The following ARRDC4 variants were observed in gnomAD, a reference collection of about 807,000 sequenced individuals.
ARRDC4 encodes the protein arrestin domain-containing protein 4.
ARRDC4 carries 40 observed loss-of-function variants against 44.6 expected under a neutral mutation model. The ratio of observed to expected loss-of-function variants is 0.90; its 90% CI spans 0.70 to 1.17. The LOEUF is 1.17. Among genes scored for constraint, ARRDC4 ranks in the 50% most tolerant of loss-of-function variants. The pLI, the probability that ARRDC4 is intolerant of heterozygous loss-of-function variation, is 0.00. For synonymous variants in ARRDC4, 211 were observed against 221.2 expected, an observed-to-expected ratio of 0.95 and a Z score of 0.41; for missense variants, 550 against 559.1, an observed-to-expected ratio of 0.98 and a Z score of 0.16.
rs1258419729 is a variant in ARRDC4 at position 97,960,960 on chromosome 15, C to T, written c.99C>T (p.Ser33=). 9 of 1,467,930 alleles carry T rather than the reference C, an allele frequency of 6.1e-6. No homozygotes were observed. The African/African-American group carries it at 1.3e-4, about 22-fold the overall frequency. The allele number at this position is 1,467,930 out of a possible 1,614,324, so 90.9% of individuals were successfully genotyped here. ...VFEDERKGCY[S]SGETVAGHVL... Reference sequence around the variant, plus strand: ...AGGACGAGCGCAAGGGCTGCTATTCCAGCGGCGAGACAGTGGCCGGGCACG... The same window carrying T: ...AGGACGAGCGCAAGGGCTGCTATTCTAGCGGCGAGACAGTGGCCGGGCACG... The change falls in exon 1 of 8, where the codon TCC becomes TCT. Residue 33 remains serine (S), a synonymous_variant. Coordinates refer to ENST00000268042, the MANE Select transcript of ARRDC4 (RefSeq NM_183376.3).
chr15:97,966,064 T>G lies in ARRDC4; in HGVS notation c.522+22T>G. The G allele has an allele frequency of 3.1e-6, 5 of 1,612,708 alleles. No homozygotes were observed. The highest frequency in any genetic ancestry group is 4.2e-6 in the Non-Finnish European group (5 of 1,179,090). On this transcript the variant is annotated intron_variant, in intron 3 of 7. Coordinates refer to ENST00000268042, the MANE Select transcript of ARRDC4 (RefSeq NM_183376.3). The surrounding 1 kb of genome is among the most constrained non-coding windows in gnomAD (Gnocchi z 4.7). ...ATTAGTAAGTTCTTCCTTTTTCTCT[T>G]CCTCCTCCTTTTCCTCCTTCCCTCC...
rs768990179 is a variant in ARRDC4, at chr15:97,961,087, TCGGCCAGCACCG to T, written c.232_243del (p.Ser78_Ala81del). Reference sequence around the variant, plus strand: ...GGGCCCGAGCACCTGCCCCCGCGCCTCGGCCAGCACCGCGGCCCTGGCTGTCTTCTCGGAGGT... The same window carrying T: ...GGGCCCGAGCACCTGCCCCCGCGCCTCGGCCCTGGCTGTCTTCTCGGAGGT... On this transcript the variant is annotated inframe_deletion, in exon 1 of 8. Transcript: ENST00000268042. 27 of 1,437,114 alleles carry T rather than the reference TCGGCCAGCACCG, an allele frequency of 1.9e-5. 1 individual carries two copies. In the South Asian group the frequency reaches 3.7e-4, roughly 20 times the overall value. 89.0% of individuals were successfully genotyped at this position (1,437,114 alleles called of 1,614,324 possible).
chr15:97,972,730 T>TG lies in ARRDC4; in HGVS notation c.*1544dup. The TG allele has an allele frequency of 6.5e-6, 1 of 152,716 alleles. No homozygotes were observed. Among genetic ancestry groups the TG allele is most frequent in the East Asian group, 1.9e-4 (1 of 5,172 alleles). The allele number at this position is 152,716 out of a possible 1,614,324, so 9.5% of individuals were successfully genotyped here. On this transcript the variant is annotated 3_prime_UTR_variant, in exon 8 of 8. Coordinates refer to ENST00000268042, the MANE Select transcript of ARRDC4 (RefSeq NM_183376.3). The surrounding 1 kb of genome is among the most constrained non-coding windows in gnomAD (Gnocchi z 5.3). ...ACTGTACTTCATTTAACAGAATGAT[T>TG]GATTTTTCTTTCAATCAGCATGTTC...
rs926833117 is a variant in ARRDC4 at position 97,970,986 on chromosome 15, T to G, written c.1201-145T>G. 3.1e-6 allele frequency: 3 copies of G among 969,646 alleles called. No individual in the cohort carries two copies. In the African/African-American group the frequency reaches 4.9e-5, roughly 16 times the overall value. 60.1% of individuals were successfully genotyped at this position (969,646 alleles called of 1,614,324 possible). ...GCCTTTAAGGTGTGTTATTTGGCCA[T>G]GGAATATAGAGAACTTAAGCACCTT... On this transcript the variant is annotated intron_variant, in intron 7 of 7. Coordinates refer to ENST00000268042, the MANE Select transcript of ARRDC4 (RefSeq NM_183376.3). The surrounding 1 kb of genome is among the most constrained non-coding windows in gnomAD (Gnocchi z 4.2).
chr15:97,961,288 G>A (rs777565082), intron 1 of ARRDC4, 120 bp downstream of exon 1: 286 of 954,072 alleles, frequency 3.0e-4, no homozygotes, highest in Non-Finnish European at 3.8e-4. Context: ...GCTTCCGGGG[G>A]TGGGGTCCGG....
rs1555456247 is a variant in ARRDC4 at position 97,964,995 on chromosome 15, CAT to C, written c.308-603_308-602del. On this transcript the variant is annotated intron_variant, in intron 1 of 7. Coordinates refer to ENST00000268042, the MANE Select transcript of ARRDC4 (RefSeq NM_183376.3). ...TGGGGGTAAGCAGTTGTGATTTTTA[CAT>C]ACACACACACACACACACACATATA... is the stretch of plus-strand genomic sequence containing the variant. Among the ~76,000 whole-genome samples, 415 of 132,880 alleles carry C rather than the reference CAT, an allele frequency of 3.1e-3. 1 individual carries two copies. The highest frequency in any genetic ancestry group is 4.9e-3 in the Non-Finnish European group (322 of 65,220). 87.2% of individuals were successfully genotyped at this position (132,880 alleles called of 152,430 possible).
rs75444538 is a variant in ARRDC4, at chr15:97,970,873, A to T, written c.1200+130A>T. ...GGGATACATTTAAATTTGTTTATAC[A>T]GTGGTAATAGATTATCGCTGATTCA... On this transcript the variant is annotated intron_variant, in intron 7 of 7. Coordinates refer to ENST00000268042, the MANE Select transcript of ARRDC4 (RefSeq NM_183376.3). The surrounding 1 kb of genome is among the most constrained non-coding windows in gnomAD (Gnocchi z 4.2). 54 of 1,161,822 alleles carry T rather than the reference A, an allele frequency of 4.6e-5. No homozygotes were observed. Among genetic ancestry groups the T allele is most frequent in the African/African-American group, 3.0e-4 (19 of 64,232 alleles). 72.0% of individuals were successfully genotyped at this position (1,161,822 alleles called of 1,614,324 possible). A position where few individuals can be genotyped will look rare whatever the true frequency, so the allele number is the denominator to read the frequency against.
chr15:97,963,995 T>A (rs1450084792), intron 1 of ARRDC4, among the ~76,000 whole-genome samples: 1 of 152,174 alleles, frequency 6.6e-6, no homozygotes, highest in Non-Finnish European at 1.5e-5. Flanking sequence ...CCACTGAATT[T>A]AACATGATCT....
Position 97,966,059 on chromosome 15 carries a change from T to C in ARRDC4, c.522+17T>C, listed in dbSNP as rs1457552741. ...GCATTATTAGTAAGTTCTTCCTTTT[T>C]CTCTTCCTCCTCCTTTTCCTCCTTC... is the stretch of plus-strand genomic sequence containing the variant. On this transcript the variant is annotated intron_variant, in intron 3 of 7. Coordinates refer to ENST00000268042, the MANE Select transcript of ARRDC4 (RefSeq NM_183376.3). This position sits in a 1 kb window ranked among gnomAD's most constrained non-coding sequence, Gnocchi z 4.7. The C allele has an allele frequency of 6.2e-7, 1 of 1,613,376 alleles. No individual in the cohort carries two copies. The highest frequency in any genetic ancestry group is 1.3e-5 in the African/African-American group (1 of 74,914).
rs1489751370 is a variant in ARRDC4 at position 97,965,832 on chromosome 15, GCTTT to G, written c.375-62_375-59del. 3 of 1,554,942 alleles carry G rather than the reference GCTTT, an allele frequency of 1.9e-6. No homozygotes were observed. In the East Asian group the frequency reaches 6.7e-5, roughly 35 times the overall value. Reference sequence around the variant, plus strand: ...TCCAACCTAAAACATTTTAAACCATGCTTTTTTTGGCTTTGTTTAACTGAAAAGT... The same window carrying G: ...TCCAACCTAAAACATTTTAAACCATGTTTTGGCTTTGTTTAACTGAAAAGT... On this transcript the variant is annotated intron_variant, in intron 2 of 7. Coordinates refer to ENST00000268042, the MANE Select transcript of ARRDC4 (RefSeq NM_183376.3). The surrounding 1 kb of genome is among the most constrained non-coding windows in gnomAD (Gnocchi z 5.1).
At position 97,970,097 on chromosome 15, in the gene ARRDC4, A is replaced by G; in HGVS notation, c.1045+52A>G. 6.4e-7 allele frequency: 1 copy of G among 1,560,750 alleles called. No individual in the cohort carries two copies. The highest frequency in any genetic ancestry group is 8.8e-7 in the Non-Finnish European group (1 of 1,142,698). On this transcript the variant is annotated intron_variant, in intron 6 of 7. Coordinates refer to ENST00000268042, the MANE Select transcript of ARRDC4 (RefSeq NM_183376.3). The surrounding 1 kb of genome is among the most constrained non-coding windows in gnomAD (Gnocchi z 4.2). ...ACGAAGCTTTACCTAGAAAATACCT[A>G]GGAACAGAATATATACACTATTAAG...
rs1247401346 is a variant in ARRDC4 at position 97,960,965 on chromosome 15, G to A, written c.104G>A (p.Gly35Asp). 2 of 1,466,750 alleles carry A rather than the reference G, an allele frequency of 1.4e-6. No individual in the cohort carries two copies. The highest frequency in any genetic ancestry group is 2.6e-5 in the South Asian group (2 of 76,182). The allele number at this position is 1,466,750 out of a possible 1,614,324, so 90.9% of individuals were successfully genotyped here. Reference sequence around the variant, plus strand: ...GAGCGCAAGGGCTGCTATTCCAGCGGCGAGACAGTGGCCGGGCACGTGCTG... The same window carrying A: ...GAGCGCAAGGGCTGCTATTCCAGCGACGAGACAGTGGCCGGGCACGTGCTG... ...EDERKGCYSS[G>D]ETVAGHVLLE... Residue 35 changes from glycine to aspartate, a missense_variant, in exon 1 of 8, where the codon GGC (glycine) becomes GAC (aspartate). Physicochemically the swap from Gly to Asp is moderately conservative, Grantham distance 94 (BLOSUM62 -1). Coordinates refer to ENST00000268042, the MANE Select transcript of ARRDC4 (RefSeq NM_183376.3).
chr15:97,964,980 C>T (rs1214520978), intron 1 of ARRDC4, among the ~76,000 whole-genome samples: 1 of 150,618 alleles, frequency 6.6e-6, no homozygotes, highest in Non-Finnish European at 1.5e-5. Context: ...TGGGGGTAAG[C>T]AGTTGTGATT....
rs1274163836 is a variant in ARRDC4 at position 97,966,937 on chromosome 15, AG to A, written c.522+896del. ...TGTTTTTAAAGACAAGGAAAAAGCT[AG>A]CAGTTAGAAGTTGTTGTTTAAGTCT... On this transcript the variant is annotated intron_variant, in intron 3 of 7. Coordinates refer to ENST00000268042, the MANE Select transcript of ARRDC4 (RefSeq NM_183376.3). This position sits in a 1 kb window ranked among gnomAD's most constrained non-coding sequence, Gnocchi z 4.7. 2.0e-5 allele frequency among the ~76,000 whole-genome samples: 3 copies of A among 152,142 alleles called. No individual in the cohort carries two copies. The highest frequency in any genetic ancestry group is 7.2e-5 in the African/African-American group (3 of 41,562).
At chr15:97,962,812 C>G (rs144163796) in intron 1 of ARRDC4, among the ~76,000 whole-genome samples, 1 of 152,274 alleles carries the variant, frequency 6.6e-6, no homozygotes, top group African/African-American at 2.4e-5. Flanking sequence ...AACTTAGCAT[C>G]TTTACACAGT....
Position 97,970,855 on chromosome 15 carries a change from A to G in ARRDC4, c.1200+112A>G, listed in dbSNP as rs1477186095. 8 of 1,299,466 alleles carry G rather than the reference A, an allele frequency of 6.2e-6. No homozygotes were observed. The South Asian group carries it at 7.2e-5, about 12-fold the overall frequency. 80.5% of individuals were successfully genotyped at this position (1,299,466 alleles called of 1,614,324 possible). On this transcript the variant is annotated intron_variant, in intron 7 of 7. Transcript: ENST00000268042. This position sits in a 1 kb window ranked among gnomAD's most constrained non-coding sequence, Gnocchi z 4.2. ...CTGACTCATAATTAGTAAGGGATAC[A>G]TTTAAATTTGTTTATACAGTGGTAA...
rs1390582095 is a variant in ARRDC4, at chr15:97,973,513, T to G, written c.*2326T>G. 1 of 152,604 alleles carries G rather than the reference T, an allele frequency of 6.6e-6. No individual in the cohort carries two copies. The highest frequency in any genetic ancestry group is 6.5e-5 in the Admixed American group (1 of 15,282). 9.5% of individuals were successfully genotyped at this position (152,604 alleles called of 1,614,324 possible). A position where few individuals can be genotyped will look rare whatever the true frequency, so the allele number is the denominator to read the frequency against. The stretch of plus-strand genomic sequence containing the variant: ...AGATTAAAAATGTAGCTGCTGTTAT[T>G]TGCTTGGTTATTCCCCTCTTGCTCT... On this transcript the variant is annotated 3_prime_UTR_variant, in exon 8 of 8. Transcript: ENST00000268042.
rs753539421 is a variant in ARRDC4, at chr15:97,969,104, G to C, written c.626-19G>C. The C allele has an allele frequency of 1.7e-5, 27 of 1,607,964 alleles. 1 individual carries two copies. The South Asian group carries it at 2.9e-4, about 17-fold the overall frequency. ...TTTCAAGAGTCTCTGAATCCTCCCTGGTTTTGTTTTCTTTTTAGGAGAAGC... is the reference window on the plus strand; with the variant it reads ...TTTCAAGAGTCTCTGAATCCTCCCTCGTTTTGTTTTCTTTTTAGGAGAAGC... On this transcript the variant is annotated intron_variant, in intron 4 of 7. Coordinates refer to ENST00000268042, the MANE Select transcript of ARRDC4 (RefSeq NM_183376.3).
At position 97,970,561 on chromosome 15, in the gene ARRDC4, C is replaced by G; in HGVS notation, c.1046-28C>G. 4 of 1,582,764 alleles carry G rather than the reference C, an allele frequency of 2.5e-6. No homozygotes were observed. Among genetic ancestry groups the G allele is most frequent in the Non-Finnish European group, 3.4e-6 (4 of 1,159,954 alleles). The stretch of plus-strand genomic sequence containing the variant: ...TCGAGATTAATTTTTGAGTGGATTT[C>G]TTAACTCCAACTTCATTTCTATTTC... On this transcript the variant is annotated intron_variant, in intron 6 of 7. Transcript: ENST00000268042. This position sits in a 1 kb window ranked among gnomAD's most constrained non-coding sequence, Gnocchi z 4.2.
Sources: gnomAD v4.1 joint callset for allele counts (sites outside exome capture counted in the v4.1 genomes callset) on GRCh38, gnomAD v4.1.1 for gene constraint, Gnocchi (gnomAD v3.1) non-coding constraint, MANE v1.5 for transcripts, NCBI Gene and HGNC (gene_info 2026-07-23, HGNC 2026-07-21) for gene names.